VPS41: variants seen among roughly 807,000 people sequenced by gnomAD.
The protein encoded by VPS41 is vacuolar protein sorting-associated protein 41 homolog.
In VPS41, 85 loss-of-function variants were observed where a neutral mutation model predicts 130.9. That is an observed-to-expected ratio of 0.65 (90% CI 0.55 to 0.78). VPS41 has a LOEUF of 0.78. Among genes scored for constraint, VPS41 ranks in the 30% least tolerant of loss-of-function variants. The pLI is 0.00. For synonymous variants in VPS41, 335 were observed against 332.9 expected, an observed-to-expected ratio of 1.01 and a Z score of -0.07; for missense variants, 874 against 1,018.7, an observed-to-expected ratio of 0.86 and a Z score of 1.93.
intron 2 of VPS41, among the ~76,000 whole-genome samples, chr7:38,880,682 GC>G: frequency 6.6e-6 from 1 of 152,354 alleles, no homozygotes; most frequent in Non-Finnish European, 1.5e-5. Context: ...TGACATGGAT[GC>G]CTGTGAATCT....
intron 9 of VPS41, among the ~76,000 whole-genome samples, chr7:38,792,528 A>T (rs1318523467): frequency 1.3e-5 from 2 of 152,154 alleles, no homozygotes; most frequent in Non-Finnish European, 2.9e-5. Context: ...CTACCATCAA[A>T]ATATATCCAG....
intron 7 of VPS41, among the ~76,000 whole-genome samples, chr7:38,799,017 A>G (rs2116000813): frequency 6.6e-6 from 1 of 152,232 alleles, no homozygotes; most frequent in East Asian, 1.9e-4. Context: ...GTAATGGGGC[A>G]GGAACGAAGG....
intron 12 of VPS41, 89 bp downstream of exon 12, chr7:38,774,026 C>A (rs1584389093): frequency 3.9e-6 from 5 of 1,296,536 alleles, no homozygotes; most frequent in Non-Finnish European, 5.3e-6. Flanking sequence ...TCTTTCAGCA[C>A]CTTAATTTAA....
chr7:38,906,379 C>G (rs1466382098), intron 1 of VPS41, among the ~76,000 whole-genome samples: 1 of 151,402 alleles, frequency 6.6e-6, no homozygotes, highest in Admixed American at 6.6e-5. Flanking sequence ...GGGTCTTGCT[C>G]TGTTGCCCAG....
intron 9 of VPS41, among the ~76,000 whole-genome samples, chr7:38,794,416 C>T (rs1784584317): frequency 6.6e-6 from 1 of 152,200 alleles, no homozygotes; most frequent in African/African-American, 2.4e-5. Flanking sequence ...ACAATCATTA[C>T]ATTAATAATT....
rs778811750 is a variant in VPS41, at chr7:38,772,664, C to T, written c.1013-27G>A. On this transcript the variant is annotated intron_variant, in intron 12 of 28. Transcript: ENST00000310301. ...TGTAGGTGAGAAAAGAGAGGAACGA[C>T]TTGGTGACTGAACAGCAGAAAACTT... 4 of 1,523,462 alleles carry T rather than the reference C, an allele frequency of 2.6e-6. No individual in the cohort carries two copies. The South Asian group carries it at 4.6e-5, about 17-fold the overall frequency. 94.4% of individuals were successfully genotyped at this position (1,523,462 alleles called of 1,614,324 possible). A position where few individuals can be genotyped will look rare whatever the true frequency, so the allele number is the denominator to read the frequency against.
rs2129083319 is a variant in VPS41 at position 38,724,191 on chromosome 7, T to C, written c.*2055A>G. On this transcript the variant is annotated 3_prime_UTR_variant, in exon 29 of 29. Coordinates refer to ENST00000310301, the MANE Select transcript of VPS41 (RefSeq NM_014396.4). ...TTATGTCCAAATAGGACTTGGTAAC[T>C]AGGATAATTTACCCCTGAAGCAAAA... The C allele has an allele frequency of 6.6e-6, 1 of 152,364 alleles. No homozygotes were observed. The highest frequency in any genetic ancestry group is 2.4e-5 in the African/African-American group (1 of 41,590). 9.4% of individuals were successfully genotyped at this position (152,364 alleles called of 1,614,324 possible). A position where few individuals can be genotyped will look rare whatever the true frequency, so the allele number is the denominator to read the frequency against.
intron 4 of VPS41, among the ~76,000 whole-genome samples, chr7:38,850,770 T>C (rs1164069492): frequency 6.6e-6 from 1 of 152,106 alleles, no homozygotes. Context: ...GCAAAGTATA[T>C]AAACTAACAC....
intron 6 of VPS41, among the ~76,000 whole-genome samples, 165 bp downstream of exon 6, chr7:38,821,036 ATT>A (rs1247154105): frequency 2.0e-5 from 3 of 152,298 alleles, no homozygotes; most frequent in Non-Finnish European, 4.4e-5. Context: ...CAAAATACAC[ATT>A]CTGTCTTCTT....
intron 17 of VPS41, among the ~76,000 whole-genome samples, chr7:38,761,818 C>A (rs944958981): frequency 6.6e-6 from 1 of 152,010 alleles, no homozygotes. Flanking sequence ...AACTCCTGGG[C>A]TCAAGCAATC....
rs1413016842 is a variant in VPS41, at chr7:38,723,774, C to G, written c.*2472G>C. The G allele has an allele frequency of 7.9e-6, 1 of 126,338 alleles. No individual in the cohort carries two copies. Among genetic ancestry groups the G allele is most frequent in the Non-Finnish European group, 1.6e-5 (1 of 61,282 alleles). The allele number at this position is 126,338 out of a possible 1,614,324, so 7.8% of individuals were successfully genotyped here. ...AAAAGAATAGCTTATGAAGTGTGTA[C>G]TTTGCAACTATGTTCTTCCCCAAAA... On this transcript the variant is annotated 3_prime_UTR_variant, in exon 29 of 29. Transcript: ENST00000310301.
chr7:38,823,511 C>A (rs1785215193), intron 5 of VPS41, among the ~76,000 whole-genome samples: 1 of 152,130 alleles, frequency 6.6e-6, no homozygotes, highest in Admixed American at 6.5e-5. Context: ...ATTATAAATT[C>A]TATTTGAAAA....
chr7:38,759,219 A>T (rs1382926036), intron 17 of VPS41, among the ~76,000 whole-genome samples: 4 of 152,284 alleles, frequency 2.6e-5, no homozygotes, highest in Non-Finnish European at 1.5e-5. Flanking sequence ...GCCTGCAGGA[A>T]CTGATGCTAT....
chr7:38,811,632 T>C (rs1308177286), intron 7 of VPS41, among the ~76,000 whole-genome samples: 3 of 144,916 alleles, frequency 2.1e-5, no homozygotes, highest in African/African-American at 7.7e-5. Context: ...CCTCCATATA[T>C]ACAGATAGAT....
At chr7:38,781,896 C>T (rs986068842) in intron 10 of VPS41, among the ~76,000 whole-genome samples, 2 of 152,164 alleles carry the variant, frequency 1.3e-5, no homozygotes, top group African/African-American at 4.8e-5. Context: ...TAATCTATTG[C>T]GTAGGTGTGT....
chr7:38,884,971 C>T (rs1786691204), intron 2 of VPS41, among the ~76,000 whole-genome samples: 1 of 144,280 alleles, frequency 6.9e-6, no homozygotes, highest in South Asian at 2.4e-4. Flanking sequence ...GCTTACATTG[C>T]AAAGTTCTTT....
intron 10 of VPS41, among the ~76,000 whole-genome samples, chr7:38,784,950 C>G (rs1008495811): frequency 6.6e-6 from 1 of 152,176 alleles, no homozygotes; most frequent in Non-Finnish European, 1.5e-5. Context: ...AAGGTGACAT[C>G]CCATAGATCT....
At chr7:38,804,042 T>C (rs940303104) in intron 7 of VPS41, among the ~76,000 whole-genome samples, 1 of 152,222 alleles carries the variant, frequency 6.6e-6, no homozygotes, top group Admixed American at 6.5e-5. Flanking sequence ...TTTAACATGT[T>C]TAAAACCAGT....
chr7:38,842,497 T>C (rs1299758730), intron 4 of VPS41, among the ~76,000 whole-genome samples: 1 of 152,220 alleles, frequency 6.6e-6, no homozygotes, highest in Non-Finnish European at 1.5e-5. Flanking sequence ...CCAGGTATAA[T>C]TATTAAGAGC....
Sources: gnomAD v4.1 joint callset for allele counts (sites outside exome capture counted in the v4.1 genomes callset) on GRCh38, gnomAD v4.1.1 for gene constraint, MANE v1.5 for transcripts, NCBI Gene and HGNC (gene_info 2026-07-23, HGNC 2026-07-21) for gene names.